LRP2BP: variants seen among roughly 807,000 people sequenced by gnomAD.
LRP2BP encodes the protein LRP2 binding protein.
LRP2BP carries 38 observed loss-of-function variants against 45.2 expected under a neutral mutation model. The ratio of observed to expected loss-of-function variants is 0.84; its 90% CI spans 0.65 to 1.10. The LOEUF (loss-of-function observed/expected upper bound fraction) is 1.10. Among genes scored for constraint, LRP2BP ranks in the 50% least tolerant of loss-of-function variants. The pLI, the probability that LRP2BP is intolerant of heterozygous loss-of-function variation, is 0.00. For missense variants in LRP2BP, 385 were observed against 418.9 expected, an observed-to-expected ratio of 0.92 and a Z score of 0.71; for synonymous variants, 153 against 153.9, an observed-to-expected ratio of 0.99 and a Z score of 0.04.
At chr4:185,387,875 T>G (rs573606118) in intron 1 of LRP2BP, among the ~76,000 whole-genome samples, 1 of 152,242 alleles carries the variant, frequency 6.6e-6, no homozygotes, top group East Asian at 1.9e-4. Flanking sequence ...CTCTCCCAAC[T>G]TGGGTTCTGA....
upstream of LRP2BP, chr4:185,396,857 C>A: frequency 2.0e-6 from 3 of 1,537,576 alleles, no homozygotes; most frequent in South Asian, 2.2e-5. Context: ...TCTTACCTGT[C>A]GGGGTGCGGC....
At chr4:185,384,510 G>C (rs1354656149) in intron 1 of LRP2BP, among the ~76,000 whole-genome samples, 1 of 151,754 alleles carries the variant, frequency 6.6e-6, no homozygotes, top group Non-Finnish European at 1.5e-5. Context: ...TGATGCTTCT[G>C]ACTGGCTCTT....
chr4:185,388,425 T>C (rs1243065615), intron 1 of LRP2BP, among the ~76,000 whole-genome samples: 2 of 12,316 alleles, frequency 1.6e-4, no homozygotes, highest in Admixed American at 8.8e-4. Flanking sequence ...TCCTTTTCCT[T>C]TTACTATCTA....
intron 2 of LRP2BP, 161 bp from the exon 3 acceptor site, chr4:185,377,179 G>GA (rs1292575113): frequency 2.1e-5 from 13 of 615,980 alleles, no homozygotes; most frequent in Middle Eastern, 8.7e-4. Flanking sequence ...AATATTACCT[G>GA]AAAAAACGTC....
intron 1 of LRP2BP, among the ~76,000 whole-genome samples, chr4:185,391,952 T>G (rs1342725276): frequency 6.6e-6 from 1 of 152,226 alleles, no homozygotes; most frequent in Non-Finnish European, 1.5e-5. Flanking sequence ...TCCATCTGAA[T>G]CTATATTAAG....
rs750747569 is a variant in LRP2BP, at chr4:185,378,040, A to G, written c.106+41T>C. ...GCTCTAGCATGCAAAATGAACTGTT[A>G]AAGTGTTTTCCAAGGGAAGCTTAAA... On this transcript the variant is annotated intron_variant, in intron 2 of 8. Transcript: ENST00000505916. 1.1e-5 allele frequency: 16 copies of G among 1,494,432 alleles called. No homozygotes were observed. The South Asian group carries it at 1.2e-4, about 11-fold the overall frequency. The allele number at this position is 1,494,432 out of a possible 1,614,324, so 92.6% of individuals were successfully genotyped here.
chr4:185,370,607 T>C, intron 8 of LRP2BP, 33 bp downstream of exon 8: 1 of 1,599,746 alleles, frequency 6.3e-7, no homozygotes, highest in Non-Finnish European at 8.6e-7. Context: ...CAGTTTCTCT[T>C]TGGGTGAATT....
intron 8 of LRP2BP, among the ~76,000 whole-genome samples, chr4:185,369,440 C>T (rs2095407236): frequency 1.3e-5 from 2 of 151,312 alleles, no homozygotes; most frequent in African/African-American, 2.4e-5. Context: ...GACCCAGTTT[C>T]ACCATGTTGG....
At position 185,372,997 on chromosome 4, in the gene LRP2BP, T is replaced by G. The variant is rs779701346; in HGVS notation, c.662A>C (p.Gln221Pro). The G allele has an allele frequency of 6.2e-7, 1 of 1,613,988 alleles. No individual in the cohort carries two copies. Among genetic ancestry groups the G allele is most frequent in the Admixed American group, 1.7e-5 (1 of 60,018 alleles). Residue 221 changes from glutamine (Q) to proline (P), a missense_variant, in exon 7 of 9, where the codon CAA becomes CCA. Coordinates refer to ENST00000505916, the MANE Select transcript of LRP2BP (RefSeq NM_001377440.1). ...GALGLMYLYG[Q>P]GIRQDTEAAL... ...AGCTTCCGTATCCTGCCGGATGCCT[T>G]GTCCATACAAGTACATGAGCCCAAG...
At chr4:185,389,272 A>G (rs965510988) in intron 1 of LRP2BP, among the ~76,000 whole-genome samples, 1 of 151,272 alleles carries the variant, frequency 6.6e-6, no homozygotes, top group Non-Finnish European at 1.5e-5. Context: ...GCAATGGCGC[A>G]ATCTTGGTTC....
At chr4:185,385,153 T>C (rs2095467285) in intron 1 of LRP2BP, among the ~76,000 whole-genome samples, 1 of 152,164 alleles carries the variant, frequency 6.6e-6, no homozygotes, top group Non-Finnish European at 1.5e-5. Flanking sequence ...TAAAACAGGC[T>C]AAGAAACACT....
At chr4:185,370,998 C>T in intron 7 of LRP2BP, 184 bp from the exon 8 acceptor site, 1 of 563,550 alleles carries the variant, frequency 1.8e-6, no homozygotes. Flanking sequence ...GATGAGCTTC[C>T]CAGAGTGGTG....
chr4:185,393,862 G>T (rs1455277898), intron 1 of LRP2BP, among the ~76,000 whole-genome samples: 2 of 152,152 alleles, frequency 1.3e-5, no homozygotes, highest in African/African-American at 2.4e-5. Context: ...GAAGTACTAG[G>T]TTTAGTATTG....
In LRP2BP at chr4:185,374,390, T is replaced by C. The variant is rs2126797196; in HGVS notation, c.402A>G (p.Ala134=). The C allele has an allele frequency of 6.2e-7, 1 of 1,614,216 alleles. No homozygotes were observed. The highest frequency in any genetic ancestry group is 1.1e-5 in the South Asian group (1 of 91,084). Residue 134 remains alanine, a synonymous_variant, in exon 5 of 9, where the codon GCA becomes GCG. Coordinates refer to ENST00000505916, the MANE Select transcript of LRP2BP (RefSeq NM_001377440.1). ...PCPKARHLKF[A]AAYNLGRAYY... is the part of the protein sequence containing the mutation. ...AAGCTCTTCCGAGGTTGTAAGCAGC[T>C]GCAAATTTTAAGTGTCTTGCTTTGG...
chr4:185,389,052 G>GT (rs897270997), intron 1 of LRP2BP, among the ~76,000 whole-genome samples: 6 of 151,376 alleles, frequency 4.0e-5, no homozygotes, highest in African/African-American at 1.2e-4. Context: ...GCTAATTTTT[G>GT]TATTTTTAGT....
intron 1 of LRP2BP, among the ~76,000 whole-genome samples, chr4:185,386,994 C>T (rs934423358): frequency 6.6e-6 from 1 of 152,136 alleles, no homozygotes; most frequent in Admixed American, 6.5e-5. Context: ...GCCTGTAATC[C>T]CAGCACTTTG....
At chr4:185,393,419 C>T (rs2095493524) in intron 1 of LRP2BP, among the ~76,000 whole-genome samples, 1 of 152,250 alleles carries the variant, frequency 6.6e-6, no homozygotes, top group Admixed American at 6.5e-5. Flanking sequence ...AACAGGAAAA[C>T]CACAGCAAGC....
At chr4:185,367,356 A>G in intron 8 of LRP2BP, 111 bp from the exon 9 acceptor site, 1 of 919,760 alleles carries the variant, frequency 1.1e-6, no homozygotes, top group Admixed American at 2.7e-5. Context: ...AGTACAGTGA[A>G]TTTCAAGAAA....
At position 185,374,245 on chromosome 4, in the gene LRP2BP, A is replaced by C; in HGVS notation, c.474-5T>G. 6.2e-7 allele frequency: 1 copy of C among 1,614,124 alleles called. No individual in the cohort carries two copies. The highest frequency in any genetic ancestry group is 8.5e-7 in the Non-Finnish European group (1 of 1,180,004). ...TCTGCTGCGATAAGCCACAGTCTAC[A>C]AGAGAAAGTGAGGCATGTTATTCTC... is the stretch of plus-strand genomic sequence containing the variant. On this transcript the variant is annotated splice_region_variant and splice_polypyrimidine_tract_variant and intron_variant, in intron 5 of 8. Transcript: ENST00000505916.
Sources: gnomAD v4.1 joint callset for allele counts (sites outside exome capture counted in the v4.1 genomes callset) on GRCh38, gnomAD v4.1.1 for gene constraint, MANE v1.5 for transcripts, NCBI Gene and HGNC (gene_info 2026-07-23, HGNC 2026-07-21) for gene names.